Variants in SPATS2L observed in about 807,000 individuals in gnomAD.
SPATS2L encodes SPATS2-like protein.
SPATS2L carries 30 observed loss-of-function variants against 59.6 expected under a neutral mutation model. That is an observed-to-expected ratio of 0.50 (90% CI 0.38 to 0.68). The LOEUF is 0.68. SPATS2L is among the 30% of genes least tolerant of loss of function. The pLI, the probability that SPATS2L is intolerant of heterozygous loss-of-function variation, is 0.00. For synonymous variants in SPATS2L, 252 were observed against 263.5 expected (o/e 0.96, Z 0.42); for missense variants, 615 against 700.0 (o/e 0.88, Z 1.37).
intron 10 of SPATS2L, among the ~76,000 whole-genome samples, chr2:200,468,812 T>A (rs189261113): frequency 4.1e-4 from 63 of 152,366 alleles, no homozygotes; most frequent in Admixed American, 3.3e-4. Flanking sequence ...ATGTTCCAAC[T>A]TCCATCTCTC....
At chr2:200,420,049 A>G (rs1269787731) in intron 6 of SPATS2L, among the ~76,000 whole-genome samples, 1 of 152,194 alleles carries the variant, frequency 6.6e-6, no homozygotes, top group Non-Finnish European at 1.5e-5. Flanking sequence ...TATTTTTTAT[A>G]TGATGTGACA....
chr2:200,353,587 A>C (rs1465532679), intron 2 of SPATS2L, among the ~76,000 whole-genome samples: 1 of 152,128 alleles, frequency 6.6e-6, no homozygotes, highest in East Asian at 1.9e-4. Context: ...TATGATACCC[A>C]AAATTTTCAA....
chr2:200,309,715 TACAA>T (rs1205776887), intron 1 of SPATS2L, among the ~76,000 whole-genome samples: 1 of 152,228 alleles, frequency 6.6e-6, no homozygotes, highest in Non-Finnish European at 1.5e-5. Context: ...ATTTTCATGT[TACAA>T]ACAGTTAAAA....
At chr2:200,323,285 T>A (rs1364607562) in intron 1 of SPATS2L, among the ~76,000 whole-genome samples, 3 of 152,128 alleles carry the variant, frequency 2.0e-5, no homozygotes, top group Non-Finnish European at 4.4e-5. Context: ...TACTATATAG[T>A]CAGAGATCAT....
chr2:200,316,635 T>C (rs887912464), intron 1 of SPATS2L, among the ~76,000 whole-genome samples: 3 of 152,230 alleles, frequency 2.0e-5, no homozygotes, highest in Admixed American at 1.3e-4. Context: ...TTTTCACTTT[T>C]GTACTGGGTT....
intron 3 of SPATS2L, among the ~76,000 whole-genome samples, chr2:200,392,167 A>G (rs373290076): frequency 6.6e-5 from 10 of 152,152 alleles, no homozygotes; most frequent in Admixed American, 2.0e-4. Context: ...ATATCGTCCA[A>G]TAGGGGCTGG....
chr2:200,326,320 T>C (rs2079741012), intron 1 of SPATS2L, among the ~76,000 whole-genome samples: 1 of 152,140 alleles, frequency 6.6e-6, no homozygotes. Flanking sequence ...TATTCTGAGA[T>C]TGAAAACAAA....
chr2:200,357,649 A>G (rs2080959637), intron 2 of SPATS2L, among the ~76,000 whole-genome samples: 2 of 152,194 alleles, frequency 1.3e-5, no homozygotes, highest in African/African-American at 2.4e-5. Context: ...ATTTTAAAGC[A>G]CAGGTTGTTT....
chr2:200,336,831 G>A (rs566933484), intron 2 of SPATS2L, among the ~76,000 whole-genome samples: 1 of 152,194 alleles, frequency 6.6e-6, no homozygotes, highest in African/African-American at 2.4e-5. Context: ...GTCCCCTTTG[G>A]ATCATTCATT....
intron 8 of SPATS2L, among the ~76,000 whole-genome samples, chr2:200,445,672 A>G (rs1177447763): frequency 6.6e-6 from 1 of 152,212 alleles, no homozygotes; most frequent in Non-Finnish European, 1.5e-5. Flanking sequence ...TAAATTGTTG[A>G]AACATATATC....
At chr2:200,427,455 T>C in intron 6 of SPATS2L, among the ~76,000 whole-genome samples, 1 of 149,480 alleles carries the variant, frequency 6.7e-6, no homozygotes. Flanking sequence ...ATATATTACA[T>C]ACATATACAT....
At chr2:200,325,582 T>C (rs1014397663) in intron 1 of SPATS2L, among the ~76,000 whole-genome samples, 1 of 152,148 alleles carries the variant, frequency 6.6e-6, no homozygotes, top group Non-Finnish European at 1.5e-5. Context: ...TTTCATCATG[T>C]TGGCCAGGCT....
chr2:200,476,352 AT>A (rs1334407098), intron 12 of SPATS2L, among the ~76,000 whole-genome samples: 6 of 152,210 alleles, frequency 3.9e-5, no homozygotes, highest in Admixed American at 3.3e-4. Flanking sequence ...GTCCAAGATA[AT>A]ATTTCTGAAC....
At chr2:200,344,867 C>G (rs2080459712) in intron 2 of SPATS2L, among the ~76,000 whole-genome samples, 1 of 151,866 alleles carries the variant, frequency 6.6e-6, no homozygotes, top group Admixed American at 6.6e-5. Flanking sequence ...ATGTATGTCT[C>G]CTTTTGAGAA....
intron 3 of SPATS2L, among the ~76,000 whole-genome samples, chr2:200,406,943 G>T (rs188835171): frequency 2.0e-5 from 3 of 152,252 alleles, no homozygotes; most frequent in Non-Finnish European, 4.4e-5. Flanking sequence ...AGAGTCTTGG[G>T]TCCACTGACC....
At position 200,472,898 on chromosome 2, in the gene SPATS2L, C is replaced by A. The variant is rs751577050; in HGVS notation, c.1127C>A (p.Ala376Glu). Reference sequence around the variant, plus strand: ...AGCTCCCTGCTGCCTCTGCTGAATGCGCACGCAGCAACCTCTGGGAAACAG... The same window carrying A: ...AGCTCCCTGCTGCCTCTGCTGAATGAGCACGCAGCAACCTCTGGGAAACAG... ...PCSSLLPLLN[A>E]HAATSGKQSN... The change falls in exon 12 of 13, where the codon GCG becomes GAG. Residue 376 changes from alanine (A) to glutamate (E), a missense_variant. Physicochemically the swap from Ala to Glu is moderately radical, Grantham distance 107. Transcript: ENST00000409140. 2.5e-6 allele frequency: 4 copies of A among 1,613,858 alleles called. No homozygotes were observed. The South Asian group carries it at 4.4e-5, about 18-fold the overall frequency.
At chr2:200,368,926 AG>A (rs1220722969) in intron 2 of SPATS2L, among the ~76,000 whole-genome samples, 8 of 152,176 alleles carry the variant, frequency 5.3e-5, no homozygotes, top group Admixed American at 3.3e-4. Context: ...ATAAAATGAA[AG>A]AATCAACAAT....
chr2:200,383,881 T>A, intron 2 of SPATS2L: 1 of 1,001,328 alleles, frequency 1.0e-6, no homozygotes, highest in Non-Finnish European at 1.2e-6. Context: ...AGCAAAGTGA[T>A]GTAATACCCA....
At chr2:200,306,621 A>AGGCG (rs1280182962), upstream of SPATS2L, 10 of 947,684 alleles carry the variant, frequency 1.1e-5, no homozygotes, top group South Asian at 2.5e-4. Context: ...ACCGAGGGGA[A>AGGCG]GGCGGGCGGG....
Sources: gnomAD v4.1 joint callset for allele counts (sites outside exome capture counted in the v4.1 genomes callset) on GRCh38, gnomAD v4.1.1 for gene constraint, MANE v1.5 for transcripts, NCBI Gene and HGNC (gene_info 2026-07-23, HGNC 2026-07-21) for gene names.